Variants in RABEPK observed in about 807,000 individuals in gnomAD.
The protein encoded by RABEPK is 40 kDa Rab9 effector protein.
Under a neutral mutation model 34.1 loss-of-function variants are expected in RABEPK, and 27 were observed. The observed-to-expected ratio is 0.79, with a 90% CI of 0.58 to 1.09. The LOEUF is 1.09. Among genes scored for constraint, RABEPK ranks in the 50% least tolerant of loss-of-function variants. The probability of loss-of-function intolerance (pLI) is 0.00; values close to 1 mark genes in which losing one functional copy is unlikely to be tolerated. For missense variants in RABEPK, 449 were observed against 462.6 expected, an observed-to-expected ratio of 0.97 and a Z score of 0.27; for synonymous variants, 172 against 169.2, an observed-to-expected ratio of 1.02 and a Z score of -0.13.
chr9:125,215,586 A>T (rs1830882782), intron 4 of RABEPK, among the ~76,000 whole-genome samples: 1 of 152,134 alleles, frequency 6.6e-6, no homozygotes, highest in South Asian at 2.1e-4. Flanking sequence ...TGTTGGGATT[A>T]CAGACATGAG....
intron 3 of RABEPK, among the ~76,000 whole-genome samples, chr9:125,212,623 G>A (rs958646111): frequency 6.6e-6 from 1 of 151,638 alleles, no homozygotes; most frequent in Admixed American, 6.6e-5. Flanking sequence ...AATTTATTTA[G>A]TCAGATACAG....
chr9:125,223,481 A>T (rs927172005), intron 5 of RABEPK, among the ~76,000 whole-genome samples: 1 of 152,034 alleles, frequency 6.6e-6, no homozygotes, highest in African/African-American at 2.4e-5. Flanking sequence ...TTTTTTAAAA[A>T]GTGTGTAATA....
At chr9:125,213,178 G>A (rs977401051) in intron 3 of RABEPK, among the ~76,000 whole-genome samples, 192 bp from the exon 4 acceptor site, 5 of 152,080 alleles carry the variant, frequency 3.3e-5, no homozygotes, top group African/African-American at 1.2e-4. Flanking sequence ...CATAGAACGG[G>A]GTCTATGGAC....
intron 5 of RABEPK, among the ~76,000 whole-genome samples, chr9:125,222,783 A>G (rs1213985767): frequency 6.6e-6 from 1 of 151,442 alleles, no homozygotes; most frequent in African/African-American, 2.4e-5. Context: ...TATATTTTTC[A>G]CTTAAGCATT....
At chr9:125,224,785 A>G (rs554965041) in intron 5 of RABEPK, among the ~76,000 whole-genome samples, 1 of 152,250 alleles carries the variant, frequency 6.6e-6, no homozygotes, top group South Asian at 2.1e-4. Flanking sequence ...TTACAGCCAT[A>G]GAAACTGCAG....
intron 3 of RABEPK, among the ~76,000 whole-genome samples, chr9:125,208,094 C>A (rs111794929): frequency 0.1 from 15,350 of 152,090 alleles, 1,047 homozygotes; most frequent in Non-Finnish European, 0.14. Flanking sequence ...TGCCACTGTA[C>A]TCCGGCCTGG....
intron 1 of RABEPK, 82 bp from the exon 2 acceptor site, chr9:125,202,926 A>C (rs564220139): frequency 9.4e-7 from 1 of 1,058,350 alleles, no homozygotes; most frequent in South Asian, 1.4e-5. Context: ...TACATTCAAC[A>C]GGAAAGGTTT....
chr9:125,231,701 C>T (rs1265926470), intron 6 of RABEPK, among the ~76,000 whole-genome samples: 2 of 151,184 alleles, frequency 1.3e-5, no homozygotes, highest in East Asian at 4.0e-4. Flanking sequence ...ACTCGGGAGG[C>T]TGAGGCAGAG....
At chr9:125,210,728 TAAAAG>T (rs910902353) in intron 3 of RABEPK, among the ~76,000 whole-genome samples, 22 of 145,430 alleles carry the variant, frequency 1.5e-4, no homozygotes, top group African/African-American at 5.0e-4. Context: ...AAAAAGAAAA[TAAAAG>T]AAACGATTAT....
At chr9:125,211,208 G>T (rs1057168492) in intron 3 of RABEPK, among the ~76,000 whole-genome samples, 1 of 151,078 alleles carries the variant, frequency 6.6e-6, no homozygotes, top group African/African-American at 2.4e-5. Flanking sequence ...CTGCACTCCA[G>T]CCTGGGTGAT....
At chr9:125,210,695 A>G (rs1830528102) in intron 3 of RABEPK, among the ~76,000 whole-genome samples, 1 of 146,280 alleles carries the variant, frequency 6.8e-6, no homozygotes, top group South Asian at 2.2e-4. Flanking sequence ...CAACAGAGCA[A>G]GACTCCGTCT....
chr9:125,227,642 G>A (rs1831855480), intron 5 of RABEPK, among the ~76,000 whole-genome samples: 1 of 151,748 alleles, frequency 6.6e-6, no homozygotes, highest in African/African-American at 2.4e-5. Context: ...TGTTGGCCAG[G>A]CTGGCCTCGA....
chr9:125,226,328 CAAAA>C (rs539490598), intron 5 of RABEPK, among the ~76,000 whole-genome samples: 65 of 91,746 alleles, frequency 7.1e-4, no homozygotes, highest in Admixed American at 5.8e-3. Context: ...CGACCCCCTG[CAAAA>C]AAAAAAAAAA....
chr9:125,233,240 C>T (rs886879673), intron 7 of RABEPK, among the ~76,000 whole-genome samples: 1 of 151,110 alleles, frequency 6.6e-6, no homozygotes, highest in Non-Finnish European at 1.5e-5. Flanking sequence ...TGTTAGGACT[C>T]GGCTGCTACA....
chr9:125,201,389 G>A (rs180904183), intron 1 of RABEPK, among the ~76,000 whole-genome samples: 9 of 152,286 alleles, frequency 5.9e-5, no homozygotes, highest in Admixed American at 3.9e-4. Context: ...GTGAGTTCAC[G>A]GGAAAAAAGC....
In RABEPK at chr9:125,220,427, G is replaced by T. The variant is rs779716383; in HGVS notation, c.365-112G>T. On this transcript the variant is annotated intron_variant, in intron 4 of 7. Coordinates refer to ENST00000373538, the MANE Select transcript of RABEPK (RefSeq NM_005833.4). Reference sequence around the variant, plus strand: ...GTATGAGATCCCTGCCCAAAACTATGCTGGCCCCCCTGGGGATTGGAGTTT... The same window carrying T: ...GTATGAGATCCCTGCCCAAAACTATTCTGGCCCCCCTGGGGATTGGAGTTT... 60 of 1,498,586 alleles carry T rather than the reference G, an allele frequency of 4.0e-5. No individual in the cohort carries two copies. In the East Asian group the frequency reaches 1.3e-3, roughly 33 times the overall value. The allele number at this position is 1,498,586 out of a possible 1,614,324, so 92.8% of individuals were successfully genotyped here. A position where few individuals can be genotyped will look rare whatever the true frequency, so the allele number is the denominator to read the frequency against.
At chr9:125,218,658 G>A (rs1831115129) in intron 4 of RABEPK, among the ~76,000 whole-genome samples, 1 of 152,144 alleles carries the variant, frequency 6.6e-6, no homozygotes, top group East Asian at 1.9e-4. Flanking sequence ...AGATCTTGGT[G>A]TTACTGAAAG....
chr9:125,209,824 G>A (rs1271439684), intron 3 of RABEPK, among the ~76,000 whole-genome samples: 2 of 152,078 alleles, frequency 1.3e-5, no homozygotes, highest in Non-Finnish European at 2.9e-5. Context: ...TCAGATTTCA[G>A]ATTAAATGTC....
At chr9:125,233,505 A>AT (rs1026375246) in intron 7 of RABEPK, among the ~76,000 whole-genome samples, 183 bp from the exon 8 acceptor site, 25 of 147,640 alleles carry the variant, frequency 1.7e-4, no homozygotes, top group Admixed American at 4.1e-4. Context: ...TGCCCAGCTA[A>AT]TTTTTTTTTT....
Sources: allele counts gnomAD v4.1 joint callset (sites outside exome capture counted in the v4.1 genomes callset), GRCh38; gene constraint gnomAD v4.1.1; transcripts MANE v1.5; gene names NCBI Gene and HGNC (gene_info 2026-07-23, HGNC 2026-07-21).